MEST: variants seen among roughly 807,000 people sequenced by gnomAD.
The protein encoded by MEST is mesoderm-specific transcript homolog protein.
In MEST, 18 loss-of-function variants were observed where a neutral mutation model predicts 50.9. That is an observed-to-expected ratio of 0.35 (90% CI 0.24 to 0.52). The LOEUF (loss-of-function observed/expected upper bound fraction) is 0.52. Among genes scored for constraint, MEST ranks in the 20% least tolerant of loss-of-function variants. The pLI is 0.94. For missense variants in MEST, 282 were observed against 425.3 expected (o/e 0.66, Z 2.96); for synonymous variants, 130 against 154.1 (o/e 0.84, Z 1.16).
In MEST at chr7:130,500,653, G is replaced by C; in HGVS notation, c.647+121G>C. 1 of 1,251,758 alleles carries C rather than the reference G, an allele frequency of 8.0e-7. No homozygotes were observed. Among genetic ancestry groups the C allele is most frequent in the South Asian group, 1.4e-5 (1 of 70,616 alleles). The allele number at this position is 1,251,758 out of a possible 1,614,324, so 77.5% of individuals were successfully genotyped here. On this transcript the variant is annotated intron_variant, in intron 8 of 11. Transcript: ENST00000223215. The surrounding 1 kb of genome is among the most constrained non-coding windows in gnomAD (Gnocchi z 5.0). ...AAGCAAAGGTGTTGGCCGCTTGCCA[G>C]GGAAGTAGAAGGAATTCATAAATCA...
chr7:130,495,225 G>A (rs956452269), intron 1 of MEST, 143 bp from the exon 2 acceptor site: 5 of 717,728 alleles, frequency 7.0e-6, no homozygotes, highest in East Asian at 2.8e-5. Context: ...TTATAGTCTC[G>A]GTCAGCTTTG....
chr7:130,491,886 G>A (rs1798826418), upstream of MEST, among the ~76,000 whole-genome samples: 1 of 152,104 alleles, frequency 6.6e-6, no homozygotes, highest in African/African-American at 2.4e-5. This position sits in a 1 kb window ranked among gnomAD's most constrained non-coding sequence, Gnocchi z 6.8. Context: ...TGGGGAGGGG[G>A]CTCGACACCC....
chr7:130,496,318 T>C (rs1799059358), intron 2 of MEST: 1 of 385,412 alleles, frequency 2.6e-6, no homozygotes, highest in Non-Finnish European at 4.9e-6. Flanking sequence ...ATTTTTTCCT[T>C]ACATTTTCAA....
chr7:130,496,206 TTAAG>T (rs559908357), intron 2 of MEST: 181 of 457,194 alleles, frequency 4.0e-4, no homozygotes, highest in South Asian at 2.1e-3. Flanking sequence ...CTATATTCAA[TTAAG>T]TAAGTATACA....
At chr7:130,498,389 T>G in intron 5 of MEST, 30 bp from the exon 6 acceptor site, 1 of 1,613,956 alleles carries the variant, frequency 6.2e-7, no homozygotes, top group East Asian at 2.2e-5. Context: ...TTTGCTCAGC[T>G]ACATGTGTGT....
upstream of MEST, chr7:130,489,619 G>GT (rs1159934524): frequency 6.6e-6 from 1 of 152,198 alleles, no homozygotes; most frequent in African/African-American, 2.4e-5. Context: ...TCTGTACTCA[G>GT]GGTTCTTCCA....
At chr7:130,495,779 T>TTTTG in intron 2 of MEST, 2 of 126,018 alleles carry the variant, frequency 1.6e-5, no homozygotes, top group Middle Eastern at 2.3e-3. Context: ...CCAATATTAG[T>TTTTG]TTTTTTTTTT....
chr7:130,491,774 G>T (rs1342440111), upstream of MEST, among the ~76,000 whole-genome samples: 1 of 152,148 alleles, frequency 6.6e-6, no homozygotes, highest in Non-Finnish European at 1.5e-5. The surrounding 1 kb of genome is among the most constrained non-coding windows in gnomAD (Gnocchi z 6.8). Flanking sequence ...GGGCACTCAG[G>T]GGTCTGCTGT....
At chr7:130,503,377 A>T (rs1282955960) in intron 10 of MEST, among the ~76,000 whole-genome samples, 2 of 152,168 alleles carry the variant, frequency 1.3e-5, no homozygotes, top group African/African-American at 4.8e-5. Context: ...GGTGCAGGAG[A>T]GCTGGATGAG....
At chr7:130,494,927 G>A (rs989342502) in intron 1 of MEST, 2 of 706,652 alleles carry the variant, frequency 2.8e-6, no homozygotes, top group African/African-American at 1.9e-5. Flanking sequence ...ACTGGTTGGG[G>A]GTAGTGGGTA....
At chr7:130,502,765 G>T (rs1554438837) in intron 10 of MEST, 45 bp downstream of exon 10, 2 of 1,455,056 alleles carry the variant, frequency 1.4e-6, no homozygotes, top group Non-Finnish European at 1.9e-6. Context: ...GGACTATAGG[G>T]TTAAAGTAAT....
At chr7:130,495,814 TATAAA>T in intron 2 of MEST, 1 of 236,980 alleles carries the variant, frequency 4.2e-6, no homozygotes, top group South Asian at 8.0e-5. Context: ...TCAGGTAATA[TATAAA>T]ATATTAATAG....
At position 130,497,054 on chromosome 7, in the gene MEST, C is replaced by G; in HGVS notation, c.182-102C>G. 1 of 891,420 alleles carries G rather than the reference C, an allele frequency of 1.1e-6. No individual in the cohort carries two copies. Among genetic ancestry groups the G allele is most frequent in the South Asian group, 1.9e-5 (1 of 53,554 alleles). 55.2% of individuals were successfully genotyped at this position (891,420 alleles called of 1,614,324 possible). The stretch of plus-strand genomic sequence containing the variant: ...TGTGTCATTTTAATGTCAATTTGGT[C>G]ACAGTTGCTTGTTCTTTGTATCAGA... On this transcript the variant is annotated intron_variant, in intron 2 of 11. Transcript: ENST00000223215. This position sits in a 1 kb window ranked among gnomAD's most constrained non-coding sequence, Gnocchi z 4.0.
chr7:130,495,131 T>A (rs1222389385), intron 1 of MEST, among the ~76,000 whole-genome samples: 12 of 152,100 alleles, frequency 7.9e-5, no homozygotes, highest in African/African-American at 2.9e-4. Flanking sequence ...GGCAGAAGAT[T>A]ATATGTTGAA....
chr7:130,504,644 T>C (rs1799408357), intron 11 of MEST, among the ~76,000 whole-genome samples: 1 of 152,262 alleles, frequency 6.6e-6, no homozygotes, highest in African/African-American at 2.4e-5. Flanking sequence ...ACTTGTTTGA[T>C]GCTTCATCCT....
chr7:130,505,482 T>C lies in MEST; in HGVS notation c.*426T>C, dbSNP rs748624606. 7.7e-5 allele frequency: 12 copies of C among 156,422 alleles called. No homozygotes were observed. The highest frequency in any genetic ancestry group is 1.6e-4 in the Non-Finnish European group (11 of 70,396). The allele number at this position is 156,422 out of a possible 1,614,324, so 9.7% of individuals were successfully genotyped here. ...AGGAGGAGAAGGGGGGCTCCTTCCC[T>C]CTCCTCGAATGACGTTATGGGCACA... is the stretch of plus-strand genomic sequence containing the variant. On this transcript the variant is annotated 3_prime_UTR_variant, in exon 12 of 12. Transcript: ENST00000223215.
intron 10 of MEST, 123 bp from the exon 11 acceptor site, chr7:130,503,810 C>G: frequency 1.4e-6 from 1 of 716,156 alleles, no homozygotes; most frequent in Non-Finnish European, 2.4e-6. Context: ...AGAGAGAGAC[C>G]TTGCCTATTA....
chr7:130,490,836 G>A (rs1392316127), upstream of MEST: 1 of 152,290 alleles, frequency 6.6e-6, no homozygotes, highest in Non-Finnish European at 1.5e-5. Flanking sequence ...CCCTGCAGAA[G>A]TGTACCTGTG....
chr7:130,500,658 G>C lies in MEST; in HGVS notation c.647+126G>C. On this transcript the variant is annotated intron_variant, in intron 8 of 11. Transcript: ENST00000223215. This position sits in a 1 kb window ranked among gnomAD's most constrained non-coding sequence, Gnocchi z 5.0. The stretch of plus-strand genomic sequence containing the variant: ...AAGGTGTTGGCCGCTTGCCAGGGAA[G>C]TAGAAGGAATTCATAAATCACTTAT... 8.2e-7 allele frequency: 1 copy of C among 1,225,760 alleles called. No homozygotes were observed. The highest frequency in any genetic ancestry group is 1.2e-6 in the Non-Finnish European group (1 of 865,746). 75.9% of individuals were successfully genotyped at this position (1,225,760 alleles called of 1,614,324 possible).
Sources: allele counts gnomAD v4.1 joint callset (sites outside exome capture counted in the v4.1 genomes callset), GRCh38; gene constraint gnomAD v4.1.1; non-coding constraint Gnocchi (gnomAD v3.1); transcripts MANE v1.5; gene names NCBI Gene and HGNC (gene_info 2026-07-23, HGNC 2026-07-21).